ANKRD17: variants seen among roughly 807,000 people sequenced by gnomAD.
ANKRD17 encodes the protein ankyrin repeat domain 17.
ANKRD17 carries 19 observed loss-of-function variants against 229.7 expected under a neutral mutation model. The observed-to-expected ratio is 0.08, with a 90% CI of 0.06 to 0.12. The LOEUF is 0.12. Among genes scored for constraint, ANKRD17 ranks in the 10% least tolerant of loss-of-function variants. The pLI, the probability that ANKRD17 is intolerant of heterozygous loss-of-function variation, is 1.00. For synonymous variants in ANKRD17, 1,112 were observed against 1,146.1 expected (o/e 0.97, Z 0.60); for missense variants, 2,176 against 3,176.8 (o/e 0.68, Z 7.57).
chr4:73,140,767 A>G (rs1484199588), intron 14 of ANKRD17, among the ~76,000 whole-genome samples: 1 of 152,170 alleles, frequency 6.6e-6, no homozygotes, highest in African/African-American at 2.4e-5. Context: ...CCAAACCACT[A>G]AGAAGTAACA....
intron 7 of ANKRD17, among the ~76,000 whole-genome samples, chr4:73,151,146 G>A (rs1269758188): frequency 6.6e-6 from 1 of 152,042 alleles, no homozygotes; most frequent in Non-Finnish European, 1.5e-5. Flanking sequence ...AAAATGCCGA[G>A]ATTACAGTCA....
intron 1 of ANKRD17, among the ~76,000 whole-genome samples, chr4:73,181,867 G>T (rs1735598738): frequency 6.6e-6 from 1 of 151,462 alleles, no homozygotes; most frequent in Non-Finnish European, 1.5e-5. Flanking sequence ...GGCCAACATG[G>T]TGAAACCCTG....
At chr4:73,157,352 T>C (rs1477442902) in intron 3 of ANKRD17, among the ~76,000 whole-genome samples, 3 of 151,994 alleles carry the variant, frequency 2.0e-5, no homozygotes, top group African/African-American at 7.3e-5. Context: ...TGGGGGGAAG[T>C]TTCAAATCCA....
intron 29 of ANKRD17, among the ~76,000 whole-genome samples, chr4:73,089,462 G>A (rs1231197423): frequency 6.6e-6 from 1 of 152,118 alleles, no homozygotes; most frequent in African/African-American, 2.4e-5. Context: ...TACTTGAAAT[G>A]CTTATATTAA....
chr4:73,131,177 T>C (rs1478751548), intron 16 of ANKRD17, among the ~76,000 whole-genome samples: 2 of 152,166 alleles, frequency 1.3e-5, no homozygotes, highest in Non-Finnish European at 2.9e-5. Flanking sequence ...CTAGACAAAT[T>C]TGATTCAGTA....
At chr4:73,232,099 G>A (rs1215043275) in intron 1 of ANKRD17, among the ~76,000 whole-genome samples, 1 of 152,182 alleles carries the variant, frequency 6.6e-6, no homozygotes, top group Non-Finnish European at 1.5e-5. Flanking sequence ...AACTCAAGAA[G>A]GGGATCATGA....
rs1365467301 is a variant in ANKRD17, at chr4:73,125,397, A to C, written c.3235-85T>G. 13 of 958,118 alleles carry C rather than the reference A, an allele frequency of 1.4e-5. No individual in the cohort carries two copies. In the Admixed American group the frequency reaches 2.8e-4, roughly 21 times the overall value. The allele number at this position is 958,118 out of a possible 1,614,324, so 59.4% of individuals were successfully genotyped here. On this transcript the variant is annotated intron_variant, in intron 16 of 33. Transcript: ENST00000358602. Reference sequence around the variant, plus strand: ...CATAATATGCAAACATATCAAATACACACAAATACATATGTACCACTCTAC... The same window carrying C: ...CATAATATGCAAACATATCAAATACCCACAAATACATATGTACCACTCTAC...
rs1185088935 is a variant in ANKRD17, at chr4:73,177,537, TA to T, written c.394-5del. Reference sequence around the variant, plus strand: ...GATCCAAAATGAAAGACTCCACCTATAAAACAAATGCAAAAAGAGGGAGGAA... The same window carrying T: ...GATCCAAAATGAAAGACTCCACCTATAAACAAATGCAAAAAGAGGGAGGAA... On this transcript the variant is annotated splice_region_variant and splice_polypyrimidine_tract_variant and intron_variant, in intron 1 of 33. Coordinates refer to ENST00000358602, the MANE Select transcript of ANKRD17 (RefSeq NM_032217.5). 3.1e-6 allele frequency: 5 copies of T among 1,594,174 alleles called. No individual in the cohort carries two copies. Among genetic ancestry groups the T allele is most frequent in the Non-Finnish European group, 4.3e-6 (5 of 1,167,856 alleles).
At chr4:73,079,360 C>T (rs906661905) in intron 30 of ANKRD17, among the ~76,000 whole-genome samples, 7 of 152,028 alleles carry the variant, frequency 4.6e-5, no homozygotes, top group African/African-American at 7.3e-5. Flanking sequence ...AAAAGAAATA[C>T]GTTTCTTTGT....
At chr4:73,082,688 C>A (rs1560492596) in intron 30 of ANKRD17, among the ~76,000 whole-genome samples, 1 of 152,110 alleles carries the variant, frequency 6.6e-6, no homozygotes, top group Admixed American at 6.6e-5. Context: ...AAAAGGCATT[C>A]TAGCAAACAA....
At chr4:73,179,516 A>ATTTT (rs1329977316) in intron 1 of ANKRD17, among the ~76,000 whole-genome samples, 25 of 57,146 alleles carry the variant, frequency 4.4e-4, no homozygotes, top group African/African-American at 1.0e-3. Context: ...ATATATATAT[A>ATTTT]TATTTTTTTT....
chr4:73,077,416 G>A lies in ANKRD17; in HGVS notation c.7526C>T (p.Thr2509Ile), dbSNP rs925876342. The A allele has an allele frequency of 1.2e-6, 2 of 1,613,860 alleles. No individual in the cohort carries two copies. Among genetic ancestry groups the A allele is most frequent in the Admixed American group, 1.7e-5 (1 of 59,964 alleles). The change falls in exon 32 of 34, where the codon ACT (threonine) becomes ATT (isoleucine). Residue 2509 changes from threonine to isoleucine, a missense_variant. By Grantham distance (89) the Thr-to-Ile change is moderately conservative. Coordinates refer to ENST00000358602, the MANE Select transcript of ANKRD17 (RefSeq NM_032217.5). ...AMERDSTGIV[T>I]PSGTFHQHVP... Reference sequence around the variant, plus strand: ...ATGCTGATGGAATGTACCAGAAGGAGTTACAATTCCTGTACTATCTCGCTC... The same window carrying A: ...ATGCTGATGGAATGTACCAGAAGGAATTACAATTCCTGTACTATCTCGCTC...
At chr4:73,139,500 T>C (rs751686349) in intron 15 of ANKRD17, 31 bp downstream of exon 15, 1 of 1,563,298 alleles carries the variant, frequency 6.4e-7, no homozygotes, top group East Asian at 2.3e-5. Context: ...CAAATCATAT[T>C]TGATACCTGC....
At chr4:73,138,210 T>A (rs1415990678) in intron 15 of ANKRD17, among the ~76,000 whole-genome samples, 9 of 152,156 alleles carry the variant, frequency 5.9e-5, no homozygotes, top group African/African-American at 2.2e-4. Context: ...CAGCTAGTCA[T>A]GATTAGTAGT....
At chr4:73,180,505 A>G (rs1255139695) in intron 1 of ANKRD17, among the ~76,000 whole-genome samples, 3 of 152,180 alleles carry the variant, frequency 2.0e-5, no homozygotes, top group Non-Finnish European at 4.4e-5. Context: ...TATAATAAAC[A>G]CAGAAACATT....
At chr4:73,208,679 G>A (rs561468351) in intron 1 of ANKRD17, among the ~76,000 whole-genome samples, 69 of 152,232 alleles carry the variant, frequency 4.5e-4, no homozygotes, top group African/African-American at 1.5e-3. Context: ...ATGAGTCAAA[G>A]AAATCCAGGG....
chr4:73,235,350 G>A (rs1441814467), intron 1 of ANKRD17, among the ~76,000 whole-genome samples: 1 of 152,042 alleles, frequency 6.6e-6, no homozygotes, highest in African/African-American at 2.4e-5. Context: ...ACAGTAACAG[G>A]GTTGCAGCCA....
chr4:73,084,970 G>T (rs1721967425), intron 30 of ANKRD17, among the ~76,000 whole-genome samples: 1 of 152,092 alleles, frequency 6.6e-6, no homozygotes, highest in Non-Finnish European at 1.5e-5. Context: ...TTCAGCCCAG[G>T]AGTTTGACGA....
chr4:73,123,681 C>T (rs1434265711), intron 18 of ANKRD17, among the ~76,000 whole-genome samples: 3 of 151,826 alleles, frequency 2.0e-5, no homozygotes, highest in African/African-American at 4.8e-5. Flanking sequence ...TATTAGATTT[C>T]CCATTCTTTT....
Sources: allele counts gnomAD v4.1 joint callset (sites outside exome capture counted in the v4.1 genomes callset), GRCh38; gene constraint gnomAD v4.1.1; transcripts MANE v1.5; gene names NCBI Gene and HGNC (gene_info 2026-07-23, HGNC 2026-07-21).